Variants in GTF2I observed in about 807,000 individuals in gnomAD.
GTF2I encodes the protein general transcription factor IIi.
In GTF2I, 12 loss-of-function variants were observed where a neutral mutation model predicts 67.6. The observed-to-expected ratio is 0.18, with a 90% CI of 0.11 to 0.29. The LOEUF (loss-of-function observed/expected upper bound fraction) is 0.29. Ranked by LOEUF, GTF2I falls within the 10% of genes least tolerant of loss-of-function variation. GTF2I has a pLI of 1.00. For missense variants in GTF2I, 271 were observed against 580.1 expected (o/e 0.47, Z 5.47); for synonymous variants, 149 against 197.0 (o/e 0.76, Z 2.04).
At chr7:74,660,412 G>C (rs2131169793) in intron 1 of GTF2I, among the ~76,000 whole-genome samples, 1 of 151,756 alleles carries the variant, frequency 6.6e-6, no homozygotes, top group East Asian at 2.0e-4. Context: ...GGCTGGTCTT[G>C]AACTCCTGAC....
At chr7:74,675,771 A>G (rs1185890657) in intron 1 of GTF2I, among the ~76,000 whole-genome samples, 3 of 152,098 alleles carry the variant, frequency 2.0e-5, no homozygotes, top group African/African-American at 7.2e-5. Flanking sequence ...AGCACTTGGG[A>G]GGCCGAGGTG....
intron 4 of GTF2I, 95 bp from the exon 5 acceptor site, chr7:74,700,152 C>A (rs913399448): frequency 1.9e-4 from 229 of 1,233,214 alleles, no homozygotes; most frequent in Non-Finnish European, 2.3e-4. Context: ...TATAAAAAAT[C>A]ATGGATGCCC....
At chr7:74,715,049 C>A in intron 10 of GTF2I, 133 bp downstream of exon 10, 1 of 503,494 alleles carries the variant, frequency 2.0e-6, no homozygotes, top group Non-Finnish European at 3.4e-6. Context: ...AATGTATTGG[C>A]CTTTTTTTAA....
chr7:74,670,703 A>C (rs1554390329), intron 1 of GTF2I, among the ~76,000 whole-genome samples: 1 of 151,528 alleles, frequency 6.6e-6, no homozygotes, highest in African/African-American at 2.4e-5. Flanking sequence ...AAAAAACAAA[A>C]AAAAAACAAA....
intron 26 of GTF2I, among the ~76,000 whole-genome samples, chr7:74,750,253 G>A (rs1471496457): frequency 1.0e-5 from 1 of 97,954 alleles, no homozygotes; most frequent in African/African-American, 2.8e-5. Context: ...CCAACATGGT[G>A]AAGCCCCATC....
chr7:74,689,026 G>A, intron 1 of GTF2I, 98 bp from the exon 2 acceptor site: 1 of 708,824 alleles, frequency 1.4e-6, no homozygotes, highest in East Asian at 2.5e-5. Context: ...CAAGAAAACT[G>A]TAAATTAGGC....
intron 2 of GTF2I, among the ~76,000 whole-genome samples, chr7:74,690,738 C>T (rs1788213133): frequency 6.6e-6 from 1 of 152,138 alleles, no homozygotes; most frequent in Non-Finnish European, 1.5e-5. Context: ...CCCCAGCAAG[C>T]CTGTGTAAAC....
intron 3 of GTF2I, among the ~76,000 whole-genome samples, chr7:74,698,305 C>T (rs587680046): frequency 6.7e-6 from 1 of 150,028 alleles, no homozygotes; most frequent in African/African-American, 2.4e-5. Context: ...TTGACCAGGA[C>T]GCTCTCAATC....
intron 1 of GTF2I, among the ~76,000 whole-genome samples, chr7:74,668,953 C>T (rs1554389589): frequency 6.6e-6 from 1 of 151,742 alleles, no homozygotes; most frequent in Non-Finnish European, 1.5e-5. Flanking sequence ...CCAGGCTGGT[C>T]TCAAACTCCT....
intron 1 of GTF2I, among the ~76,000 whole-genome samples, chr7:74,663,815 T>A (rs1466434558): frequency 3.3e-5 from 5 of 152,110 alleles, no homozygotes; most frequent in African/African-American, 4.8e-5. Context: ...TGTGTTTTTT[T>A]ATTGCATTTT....
rs375153416 is a variant in GTF2I at position 74,710,976 on chromosome 7, C to T, written c.686-56C>T. 346 of 825,572 alleles carry T rather than the reference C, an allele frequency of 4.2e-4. 1 individual carries two copies. The highest frequency in any genetic ancestry group is 6.5e-4 in the Non-Finnish European group (326 of 501,106). The allele number at this position is 825,572 out of a possible 1,614,324, so 51.1% of individuals were successfully genotyped here. ...AGGGAGGGCAGAGAGGATTTCCCTACACAATCTAGCTGAAAGTTCTCACAT... is the reference window on the plus strand; with the variant it reads ...AGGGAGGGCAGAGAGGATTTCCCTATACAATCTAGCTGAAAGTTCTCACAT... On this transcript the variant is annotated intron_variant, in intron 8 of 34. Transcript: ENST00000573035.
chr7:74,750,593 C>CTTTT (rs782022584), intron 26 of GTF2I, among the ~76,000 whole-genome samples: 6 of 69,028 alleles, frequency 8.7e-5, no homozygotes, highest in African/African-American at 1.3e-4. Flanking sequence ...AAGCTGGCCA[C>CTTTT]TTTTTTTTTT....
intron 1 of GTF2I, chr7:74,687,529 G>A: frequency 2.0e-6 from 2 of 984,222 alleles, no homozygotes; most frequent in South Asian, 9.4e-5. Flanking sequence ...AGTGGATTAT[G>A]GTTTTTATTA....
At chr7:74,703,211 G>A (rs1790075181) in intron 6 of GTF2I, among the ~76,000 whole-genome samples, 1 of 151,632 alleles carries the variant, frequency 6.6e-6, no homozygotes, top group African/African-American at 2.4e-5. Flanking sequence ...TTTTGCAATG[G>A]TGTCACTCTG....
In GTF2I at chr7:74,657,842, T is replaced by C. The variant is rs1554384344; in HGVS notation, c.-232T>C. 1 of 151,682 alleles carries C rather than the reference T, an allele frequency of 6.6e-6. No homozygotes were observed. 9.4% of individuals were successfully genotyped at this position (151,682 alleles called of 1,614,324 possible). A position where few individuals can be genotyped will look rare whatever the true frequency, so the allele number is the denominator to read the frequency against. On this transcript the variant is annotated 5_prime_UTR_variant, in exon 1 of 35. Transcript: ENST00000573035. ...CCCGGCCTCTGCCTCTGTCCCCCAG[T>C]GATCGGATCAAGGCGCTGAGCGAGG...
intron 3 of GTF2I, among the ~76,000 whole-genome samples, chr7:74,692,267 G>A (rs1226477655): frequency 1.3e-5 from 2 of 151,818 alleles, no homozygotes; most frequent in African/African-American, 4.8e-5. Context: ...TACAGACAGG[G>A]TTTCTCCATG....
intron 1 of GTF2I, among the ~76,000 whole-genome samples, chr7:74,675,758 C>T (rs1805848053): frequency 6.6e-6 from 1 of 152,032 alleles, no homozygotes; most frequent in Non-Finnish European, 1.5e-5. Flanking sequence ...CACCTGTAAT[C>T]CCAGCACTTG....
At chr7:74,667,102 G>A (rs1584072221) in intron 1 of GTF2I, among the ~76,000 whole-genome samples, 1 of 152,092 alleles carries the variant, frequency 6.6e-6, no homozygotes, top group Admixed American at 6.6e-5. Context: ...CCAAGATCAC[G>A]CCATTCCACT....
Position 74,718,941 on chromosome 7 carries a change from G to A in GTF2I, c.943G>A (p.Asp315Asn). ...EDPEVEVTIE[D>N]DDYSPPSKRP... The stretch of plus-strand genomic sequence containing the variant: ...CCCTGAAGTTGAGGTGACTATTGAA[G>A]GTTAGTTATCTAAAAGCCTTGATTC... The change falls in exon 12 of 35, where the codon GAT (aspartate) becomes AAT (asparagine). Residue 315 changes from aspartate to asparagine, a missense_variant and splice_region_variant. By Grantham distance (23) the Asp-to-Asn change is conservative. This residue lies in a region of GTF2I where 124 missense variants were observed against 147.0 expected (regional missense o/e 0.84). Transcript: ENST00000573035. 1.3e-6 allele frequency: 2 copies of A among 1,517,282 alleles called. No homozygotes were observed. The highest frequency in any genetic ancestry group is 1.8e-6 in the Non-Finnish European group (2 of 1,107,232). 94.0% of individuals were successfully genotyped at this position (1,517,282 alleles called of 1,614,324 possible).
Sources: gnomAD v4.1 joint callset for allele counts (sites outside exome capture counted in the v4.1 genomes callset) on GRCh38, gnomAD v4.1.1 for gene constraint, gnomAD v4.1.1 regional missense constraint, MANE v1.5 for transcripts, NCBI Gene and HGNC (gene_info 2026-07-23, HGNC 2026-07-21) for gene names.